KSR1: variants seen among roughly 807,000 people sequenced by gnomAD.
KSR1 encodes kinase suppressor of ras 1.
A neutral mutation model predicts 92.9 loss-of-function variants in KSR1; 35 were observed. That is an observed-to-expected ratio of 0.38 (90% CI 0.29 to 0.50). The LOEUF (loss-of-function observed/expected upper bound fraction) is 0.50, where lower values mean the gene tolerates loss of function less well. Ranked by LOEUF, KSR1 falls within the 20% of genes least tolerant of loss-of-function variation. The probability of loss-of-function intolerance (pLI) is 0.94; values close to 1 mark genes in which losing one functional copy is unlikely to be tolerated. For synonymous variants in KSR1, 467 were observed against 472.6 expected, an observed-to-expected ratio of 0.99 and a Z score of 0.15; for missense variants, 972 against 1,158.5, an observed-to-expected ratio of 0.84 and a Z score of 2.34.
Position 27,609,316 on chromosome 17 carries a change from G to T in KSR1, c.2212G>T (p.Val738Phe). ...DFGLFGISGV[V>F]REGRRENQLK... ...CGGGCTGTTTGGGATCTCAGGCGTG[G>T]TCCGAGAGGGACGGTGAGTTGGTCT... Residue 738 changes from valine (V) to phenylalanine (F), a missense_variant, in exon 16 of 21, where the codon GTC becomes TTC. By Grantham distance (50) the Val-to-Phe change is conservative (BLOSUM62 -1). Around this residue, in one of 5 missense-constraint regions of KSR1, gnomAD observed 260 missense variants for 375.2 expected, o/e 0.69. Coordinates refer to ENST00000644974, the MANE Select transcript of KSR1 (RefSeq NM_001394583.1). 1.2e-6 allele frequency: 2 copies of T among 1,613,996 alleles called. No homozygotes were observed. Among genetic ancestry groups the T allele is most frequent in the Middle Eastern group, 1.6e-4 (1 of 6,062 alleles).
At chr17:27,540,682 C>CTCTCCTGCTCTG (rs1036660983) in intron 1 of KSR1, among the ~76,000 whole-genome samples, 1 of 152,252 alleles carries the variant, frequency 6.6e-6, no homozygotes, top group African/African-American at 2.4e-5. Flanking sequence ...CCCTGTGTGC[C>CTCTCCTGCTCTG]TCTCCTGCTC....
In KSR1 at chr17:27,609,206, A is replaced by T; in HGVS notation, c.2102A>T (p.Tyr701Phe). The change falls in exon 16 of 21, where the codon TAT (tyrosine) becomes TTT (phenylalanine). Residue 701 changes from tyrosine (Y) to phenylalanine (F), a missense_variant. Coordinates refer to ENST00000644974, the MANE Select transcript of KSR1 (RefSeq NM_001394583.1). ...TGATGTGTCCTCCAGGGCATGGGAT[A>T]TCTTCATGCCAAGGGCATCGTACAC... Reference protein sequence around the residue: ...IAQEIIKGMGYLHAKGIVHKD... With the variant: ...IAQEIIKGMGFLHAKGIVHKD... 1 of 1,613,818 alleles carries T rather than the reference A, an allele frequency of 6.2e-7. No homozygotes were observed. Among genetic ancestry groups the T allele is most frequent in the Non-Finnish European group, 8.5e-7 (1 of 1,179,728 alleles).
chr17:27,474,299 G>T (rs1457067731), intron 1 of KSR1, among the ~76,000 whole-genome samples: 3 of 152,264 alleles, frequency 2.0e-5, no homozygotes, highest in Non-Finnish European at 4.4e-5. Context: ...CTGTCACCCT[G>T]TGGCTGCAAG....
rs552374043 is a variant in KSR1 at position 27,579,168 on chromosome 17, G to T, written c.520+1529G>T. 2.0e-5 allele frequency: 3 copies of T among 152,440 alleles called. No individual in the cohort carries two copies. In the East Asian group the frequency reaches 5.8e-4, roughly 29 times the overall value. 9.4% of individuals were successfully genotyped at this position (152,440 alleles called of 1,614,324 possible). ...CCGGCCTTTCGTCTGCCCAGTGCTG[G>T]CTGCACTTCACGGGCACCTGCTGGG... On this transcript the variant is annotated intron_variant, in intron 3 of 20. Coordinates refer to ENST00000644974, the MANE Select transcript of KSR1 (RefSeq NM_001394583.1).
intron 1 of KSR1, among the ~76,000 whole-genome samples, chr17:27,481,874 T>G (rs2150944508): frequency 6.6e-6 from 1 of 152,332 alleles, no homozygotes. Context: ...TAGATTTTAT[T>G]GCCAGAGTTT....
chr17:27,522,774 A>G (rs1287142668), intron 1 of KSR1, among the ~76,000 whole-genome samples: 1 of 152,234 alleles, frequency 6.6e-6, no homozygotes, highest in African/African-American at 2.4e-5. Context: ...GAGACACCAT[A>G]GATAGAAAGC....
chr17:27,590,195 A>G (rs998820539), intron 6 of KSR1, among the ~76,000 whole-genome samples: 1 of 152,138 alleles, frequency 6.6e-6, no homozygotes, highest in Non-Finnish European at 1.5e-5. Flanking sequence ...ATTCACTTCT[A>G]TTGTCATAGC....
At chr17:27,510,893 G>C (rs2069575190) in intron 1 of KSR1, among the ~76,000 whole-genome samples, 1 of 152,148 alleles carries the variant, frequency 6.6e-6, no homozygotes, top group African/African-American at 2.4e-5. Context: ...AGTTATCTTG[G>C]TATGGAGCGC....
chr17:27,473,214 A>G (rs1437132199), intron 1 of KSR1, among the ~76,000 whole-genome samples: 1 of 152,210 alleles, frequency 6.6e-6, no homozygotes, highest in Non-Finnish European at 1.5e-5. Flanking sequence ...CTGAATTTCC[A>G]TTTGTGTTCA....
At position 27,456,518 on chromosome 17, in the gene KSR1, C is replaced by G. The variant is rs1376299784; in HGVS notation, c.-126C>G. ...CGGCAGACTCAGCGGCCGGCTCTAC[C>G]GGCGTCCCGGCTCGGGCAGCGCCGA... On this transcript the variant is annotated 5_prime_UTR_variant, in exon 1 of 21. Coordinates refer to ENST00000644974, the MANE Select transcript of KSR1 (RefSeq NM_001394583.1). 1 of 404,058 alleles carries G rather than the reference C, an allele frequency of 2.5e-6. No homozygotes were observed. The highest frequency in any genetic ancestry group is 4.6e-5 in the Admixed American group (1 of 21,936). 25.0% of individuals were successfully genotyped at this position (404,058 alleles called of 1,614,324 possible). A position where few individuals can be genotyped will look rare whatever the true frequency, so the allele number is the denominator to read the frequency against.
chr17:27,548,612 C>T (rs2071275376), intron 1 of KSR1, among the ~76,000 whole-genome samples: 1 of 152,104 alleles, frequency 6.6e-6, no homozygotes, highest in Non-Finnish European at 1.5e-5. Flanking sequence ...GGCAGATCAT[C>T]TGAGGTCAGA....
In KSR1 at chr17:27,577,462, G is replaced by A. The variant is rs112180005; in HGVS notation, c.373-30G>A. Reference sequence around the variant, plus strand: ...CTCCCGGCCCAGCCGACTGCTCACCGCCTCTCTGCCTGTCCCTCTGTCCCC... The same window carrying A: ...CTCCCGGCCCAGCCGACTGCTCACCACCTCTCTGCCTGTCCCTCTGTCCCC... On this transcript the variant is annotated intron_variant, in intron 2 of 20. Coordinates refer to ENST00000644974, the MANE Select transcript of KSR1 (RefSeq NM_001394583.1). The surrounding 1 kb of genome is among the most constrained non-coding windows in gnomAD (Gnocchi z 4.5). 0.017 allele frequency: 23,263 copies of A among 1,374,264 alleles called. 267 individuals are homozygous for A. The highest frequency in any genetic ancestry group is 0.035 in the South Asian group (2,817 of 80,640). The allele number at this position is 1,374,264 out of a possible 1,614,324, so 85.1% of individuals were successfully genotyped here. A position where few individuals can be genotyped will look rare whatever the true frequency, so the allele number is the denominator to read the frequency against.
chr17:27,601,324 T>C lies in KSR1; in HGVS notation c.1469-36T>C, dbSNP rs776500659. On this transcript the variant is annotated intron_variant, in intron 10 of 20. Coordinates refer to ENST00000644974, the MANE Select transcript of KSR1 (RefSeq NM_001394583.1). ...CGCTCCTCCCTCCTGCGTTGGCCGT[T>C]CTGTGTGTGTGACTCACCTCCTCTT... 1.9e-6 allele frequency: 3 copies of C among 1,597,154 alleles called. No individual in the cohort carries two copies. The East Asian group carries it at 6.7e-5, about 36-fold the overall frequency.
chr17:27,485,280 T>C (rs1015537650), intron 1 of KSR1, among the ~76,000 whole-genome samples: 1 of 152,214 alleles, frequency 6.6e-6, no homozygotes, highest in East Asian at 1.9e-4. Flanking sequence ...TGGTCTGAGC[T>C]GAGGCAGAGA....
intron 1 of KSR1, among the ~76,000 whole-genome samples, chr17:27,525,474 G>T (rs1471862222): frequency 6.6e-6 from 1 of 152,198 alleles, no homozygotes; most frequent in Non-Finnish European, 1.5e-5. Context: ...AATGTGCTTG[G>T]AACAGGGCCT....
rs759158606 is a variant in KSR1 at position 27,456,701 on chromosome 17, G to T, written c.58G>T (p.Gly20Trp). ...GGGAGAGAAGAAGGAGGGCGGTGGCGGGGGGGATGCGGCGGCCGCGGAGGG... is the reference window on the plus strand; with the variant it reads ...GGGAGAGAAGAAGGAGGGCGGTGGCTGGGGGGATGCGGCGGCCGCGGAGGG... ...AMGEKKEGGG[G>W]GDAAAAEGGA... The change falls in exon 1 of 21, where the codon GGG becomes TGG. Residue 20 changes from glycine (G) to tryptophan (W), a missense_variant. Physicochemically the swap from Gly to Trp is radical, Grantham distance 184. Transcript: ENST00000644974. 10 of 811,720 alleles carry T rather than the reference G, an allele frequency of 1.2e-5. No homozygotes were observed. The highest frequency in any genetic ancestry group is 1.0e-4 in the African/African-American group (6 of 58,290). The allele number at this position is 811,720 out of a possible 1,614,324, so 50.3% of individuals were successfully genotyped here.
rs750932351 is a variant in KSR1, at chr17:27,607,931, C to T, written c.2012C>T (p.Thr671Met). The T allele has an allele frequency of 8.1e-6, 13 of 1,608,616 alleles. No homozygotes were observed. The highest frequency in any genetic ancestry group is 1.7e-5 in the Admixed American group (1 of 59,392). Residue 671 changes from threonine to methionine, a missense_variant, in exon 15 of 21, where the codon ACG (threonine) becomes ATG (methionine). Thr to Met is a moderately conservative substitution (Grantham distance 81). Transcript: ENST00000644974. ...CTCGACAGCTTCTGCAAGGGGCGGA[C>T]GTTGCACTCGTTTGTGAGGGACCCC... ...AIITSFCKGR[T>M]LHSFVRDPKT...
At chr17:27,597,529 G>A in intron 10 of KSR1, 93 bp downstream of exon 10, 3 of 1,311,522 alleles carry the variant, frequency 2.3e-6, no homozygotes, top group Non-Finnish European at 2.1e-6. Flanking sequence ...GGTCAGACAT[G>A]GCCACAGCTA....
At chr17:27,609,938 C>T in intron 16 of KSR1, 129 bp from the exon 17 acceptor site, 5 of 1,183,306 alleles carry the variant, frequency 4.2e-6, no homozygotes, top group Non-Finnish European at 4.8e-6. Flanking sequence ...GGTCAGTGTT[C>T]TGGGTCTGGG....
Sources: gnomAD v4.1 joint callset for allele counts (sites outside exome capture counted in the v4.1 genomes callset) on GRCh38, gnomAD v4.1.1 for gene constraint, gnomAD v4.1.1 regional missense constraint, Gnocchi (gnomAD v3.1) non-coding constraint, MANE v1.5 for transcripts, NCBI Gene and HGNC (gene_info 2026-07-23, HGNC 2026-07-21) for gene names.